The following PCDHGA4 variants were observed in gnomAD, a reference collection of about 807,000 sequenced individuals.
PCDHGA4 encodes the protein protocadherin gamma subfamily A, 4, also known as protocadherin gamma-A4.
In PCDHGA4, 38 loss-of-function variants were observed where a neutral mutation model predicts 54.6. That is an observed-to-expected ratio of 0.70 (90% confidence interval 0.54 to 0.91). The LOEUF is 0.91. Ranked by LOEUF, PCDHGA4 falls within the 40% of genes least tolerant of loss-of-function variation. The pLI is 0.00. For synonymous variants in PCDHGA4, 511 were observed against 512.9 expected, an observed-to-expected ratio of 1.00 and a Z score of 0.05; for missense variants, 1,298 against 1,220.9, an observed-to-expected ratio of 1.06 and a Z score of -0.94.
intron 1 of PCDHGA4, chr5:141,393,324 C>T: frequency 6.2e-7 from 1 of 1,611,210 alleles, no homozygotes; most frequent in Admixed American, 1.7e-5. Context: ...CCAGAGCTAC[C>T]AGCTCAGCCC....
intron 1 of PCDHGA4, chr5:141,382,967 C>T (rs779802932): frequency 6.2e-7 from 1 of 1,609,176 alleles, no homozygotes; most frequent in Non-Finnish European, 8.5e-7. Context: ...CTGGGGACCC[C>T]CTGGGAAGCC....
intron 1 of PCDHGA4, chr5:141,430,707 CT>C: frequency 6.8e-7 from 1 of 1,478,562 alleles, no homozygotes; most frequent in Non-Finnish European, 9.0e-7. Context: ...GGAACTGCTC[CT>C]GACTTCAGTG....
chr5:141,378,334 C>T (rs1228314593), intron 1 of PCDHGA4: 1 of 152,202 alleles, frequency 6.6e-6, no homozygotes, highest in East Asian at 1.9e-4. Flanking sequence ...ACCAGCCTGA[C>T]CAACATGGTG....
intron 1 of PCDHGA4, chr5:141,361,630 C>T (rs1174960250): frequency 1.2e-6 from 2 of 1,613,914 alleles, no homozygotes; most frequent in South Asian, 1.1e-5. Context: ...CCTGAAGCCG[C>T]GGGAGATTTT....
At chr5:141,450,982 A>G (rs746572732) in intron 1 of PCDHGA4, among the ~76,000 whole-genome samples, 18 of 151,360 alleles carry the variant, frequency 1.2e-4, no homozygotes, top group Non-Finnish European at 1.9e-4. Context: ...GTGCCACCAC[A>G]CCCGGCTAAT....
intron 1 of PCDHGA4, chr5:141,416,902 C>T (rs1364019748): frequency 1.3e-5 from 2 of 152,020 alleles, no homozygotes; most frequent in Non-Finnish European, 2.9e-5. Flanking sequence ...GGAAGGAAAG[C>T]ACACTCTTTA....
chr5:141,491,381 C>A lies in PCDHGA4; in HGVS notation c.2515-3426C>A. On this transcript the variant is annotated intron_variant, in intron 1 of 3. Transcript: ENST00000571252. This position sits in a 1 kb window ranked among gnomAD's most constrained non-coding sequence, Gnocchi z 6.9. ...CTAGTCACCTTCACCTTTCTGTCAGCGAAGTGCCTTCAGGGAAACGCAGAC... is the reference window on the plus strand; with the variant it reads ...CTAGTCACCTTCACCTTTCTGTCAGAGAAGTGCCTTCAGGGAAACGCAGAC... 2 of 1,614,068 alleles carry A rather than the reference C, an allele frequency of 1.2e-6. No homozygotes were observed. The highest frequency in any genetic ancestry group is 1.7e-6 in the Non-Finnish European group (2 of 1,179,950).
At chr5:141,460,150 T>G (rs1169568683) in intron 1 of PCDHGA4, among the ~76,000 whole-genome samples, 1 of 152,106 alleles carries the variant, frequency 6.6e-6, no homozygotes, top group East Asian at 1.9e-4. Context: ...ATGTGAGCTC[T>G]TTGTCACATA....
At chr5:141,426,517 A>G (rs893782433) in intron 1 of PCDHGA4, 5 of 343,020 alleles carry the variant, frequency 1.5e-5, no homozygotes, top group African/African-American at 2.1e-5. Context: ...CTTTACCGTG[A>G]ACACGGAGAA....
chr5:141,364,822 G>GA, intron 1 of PCDHGA4: 1 of 1,614,010 alleles, frequency 6.2e-7, no homozygotes, highest in Non-Finnish European at 8.5e-7. Flanking sequence ...ATGTGGGTGT[G>GA]AACTCTCTCC....
rs1313057434 is a variant in PCDHGA4, at chr5:141,355,438, C to A, written c.331C>A (p.Arg111Ser). Reference protein sequence around the residue: ...GRTQLFALNPRSGTLVTAGRI... With the variant: ...GRTQLFALNPSSGTLVTAGRI... ...GACGCAGCTTTTCGCCCTGAACCCG[C>A]GCAGCGGCACCTTGGTCACCGCGGG... Residue 111 changes from arginine (R) to serine (S), a missense_variant, in exon 1 of 4, where the codon CGC becomes AGC. By Grantham distance (110) the Arg-to-Ser change is moderately radical. Coordinates refer to ENST00000571252, the MANE Select transcript of PCDHGA4 (RefSeq NM_018917.4). The A allele has an allele frequency of 2.5e-6, 4 of 1,613,966 alleles. No individual in the cohort carries two copies. The highest frequency in any genetic ancestry group is 1.3e-5 in the African/African-American group (1 of 74,946).
chr5:141,366,386 G>C, intron 1 of PCDHGA4: 1 of 1,614,164 alleles, frequency 6.2e-7, no homozygotes, highest in South Asian at 1.1e-5. Flanking sequence ...TGACCCTGAG[G>C]ATCTGGACCT....
rs745638360 is a variant in PCDHGA4, at chr5:141,410,529, A to G, written c.2514+52908A>G. Reference sequence around the variant, plus strand: ...AAATGCAGTGTGCCCCTACATTCCAATGAAGACATGGTTTGCAGTGTTTCT... The same window carrying G: ...AAATGCAGTGTGCCCCTACATTCCAGTGAAGACATGGTTTGCAGTGTTTCT... On this transcript the variant is annotated intron_variant, in intron 1 of 3. Transcript: ENST00000571252. The G allele has an allele frequency of 3.1e-6, 5 of 1,613,804 alleles. No individual in the cohort carries two copies. The Admixed American group carries it at 5.0e-5, about 16-fold the overall frequency.
chr5:141,361,971 C>G (rs766740783), intron 1 of PCDHGA4: 1 of 1,601,080 alleles, frequency 6.2e-7, no homozygotes, highest in South Asian at 1.1e-5. Context: ...TGCAGGCCAG[C>G]GAGCCCGGGC....
At chr5:141,503,801 G>A (rs920669425) in intron 2 of PCDHGA4, among the ~76,000 whole-genome samples, 1 of 151,990 alleles carries the variant, frequency 6.6e-6, no homozygotes, top group Admixed American at 6.6e-5. Flanking sequence ...ACTTAGGGAC[G>A]GGGAATCCCA....
In PCDHGA4 at chr5:141,422,632, G is replaced by T. The variant is rs199543811; in HGVS notation, c.2514+65011G>T. ...CTACATTCCCGAAAACAACCCCAGGGGTGCCTCCATCTTCTCAGTGACCGC... is the reference window on the plus strand; with the variant it reads ...CTACATTCCCGAAAACAACCCCAGGTGTGCCTCCATCTTCTCAGTGACCGC... On this transcript the variant is annotated intron_variant, in intron 1 of 3. Coordinates refer to ENST00000571252, the MANE Select transcript of PCDHGA4 (RefSeq NM_018917.4). 4,245 of 1,613,132 alleles carry T rather than the reference G, an allele frequency of 2.6e-3. 5 individuals carry two copies. The highest frequency in any genetic ancestry group is 3.2e-3 in the Admixed American group (193 of 59,948).
rs747513122 is a variant in PCDHGA4, at chr5:141,361,367, A to G, written c.2514+3746A>G. The stretch of plus-strand genomic sequence containing the variant: ...AAACTAGTGACAGACGGCGCTCTGG[A>G]CCGGGAGGAGATCCCAGAATACAAT... On this transcript the variant is annotated intron_variant, in intron 1 of 3. Transcript: ENST00000571252. 8 of 1,613,876 alleles carry G rather than the reference A, an allele frequency of 5.0e-6. No individual in the cohort carries two copies. In the Admixed American group the frequency reaches 1.3e-4, roughly 27 times the overall value.
At chr5:141,459,490 T>C (rs2098968649) in intron 1 of PCDHGA4, among the ~76,000 whole-genome samples, 1 of 152,236 alleles carries the variant, frequency 6.6e-6, no homozygotes, top group Non-Finnish European at 1.5e-5. Context: ...TATTCTGAAT[T>C]AAAGTGATGT....
At chr5:141,400,301 C>T in intron 1 of PCDHGA4, 3 of 1,614,084 alleles carry the variant, frequency 1.9e-6, no homozygotes, top group Non-Finnish European at 2.5e-6. Flanking sequence ...TGCTTCCAAC[C>T]TGGTCTCTGT....
Sources: allele counts gnomAD v4.1 joint callset (sites outside exome capture counted in the v4.1 genomes callset), GRCh38; gene constraint gnomAD v4.1.1; non-coding constraint Gnocchi (gnomAD v3.1); transcripts MANE v1.5; gene names NCBI Gene and HGNC (gene_info 2026-07-23, HGNC 2026-07-21).